The following IL6ST variants were observed in gnomAD, a reference collection of about 807,000 sequenced individuals.
IL6ST encodes interleukin-6 receptor subunit beta.
IL6ST carries 24 observed loss-of-function variants against 91.3 expected under a neutral mutation model. That is an observed-to-expected ratio of 0.26 (90% CI 0.19 to 0.37). IL6ST has a LOEUF of 0.37. Ranked by LOEUF, IL6ST falls within the 10% of genes least tolerant of loss-of-function variation. IL6ST has a pLI of 1.00. For missense variants in IL6ST, 914 were observed against 1,078.5 expected, an observed-to-expected ratio of 0.85 and a Z score of 2.14; for synonymous variants, 351 against 373.6, an observed-to-expected ratio of 0.94 and a Z score of 0.70.
At chr5:55,975,198 G>A (rs970920685) in intron 3 of IL6ST, among the ~76,000 whole-genome samples, 29 of 152,068 alleles carry the variant, frequency 1.9e-4, no homozygotes, top group African/African-American at 6.3e-4. Flanking sequence ...TTGGAGGTGG[G>A]GCCTGGTGGA....
chr5:55,950,820 G>A (rs1210441575), intron 14 of IL6ST, among the ~76,000 whole-genome samples: 3 of 151,612 alleles, frequency 2.0e-5, no homozygotes, highest in African/African-American at 7.3e-5. Context: ...GCTGGATGTG[G>A]TGGCACTGGT....
chr5:55,950,307 C>G (rs1751545843), intron 14 of IL6ST: 3 of 408,256 alleles, frequency 7.3e-6, no homozygotes, highest in Non-Finnish European at 1.5e-5. Context: ...GAGGCCGAGG[C>G]AGGTGGATCA....
At chr5:55,967,005 A>G (rs1265865389) in intron 5 of IL6ST, among the ~76,000 whole-genome samples, 1 of 151,834 alleles carries the variant, frequency 6.6e-6, no homozygotes, top group Non-Finnish European at 1.5e-5. Context: ...TCTAAAAGCA[A>G]TTTTTTGGAA....
chr5:55,982,982 T>C (rs771944181), intron 1 of IL6ST, among the ~76,000 whole-genome samples, 171 bp from the exon 2 acceptor site: 5 of 151,296 alleles, frequency 3.3e-5, no homozygotes, highest in Non-Finnish European at 7.4e-5. Flanking sequence ...TGTATAAGAG[T>C]ATTCAAATAT....
intron 11 of IL6ST, among the ~76,000 whole-genome samples, chr5:55,953,588 A>C (rs139461599): frequency 1.9e-4 from 29 of 152,142 alleles, no homozygotes; most frequent in African/African-American, 6.7e-4. Flanking sequence ...GTTTATCCAC[A>C]TTGGTCAGGC....
chr5:55,969,375 T>C lies in IL6ST; in HGVS notation c.370+175A>G, dbSNP rs188162865. ...CTAGTAAAGTGAAACTGCTTGACTT[T>C]CAGGAAAGACAGGAGACTTGTGGTT... On this transcript the variant is annotated intron_variant, in intron 4 of 16. Transcript: ENST00000381298. Among the ~76,000 whole-genome samples, 7 of 152,292 alleles carry C rather than the reference T, an allele frequency of 4.6e-5. No individual in the cohort carries two copies. The East Asian group carries it at 1.3e-3, about 29-fold the overall frequency.
In IL6ST at chr5:55,941,493, A is replaced by T; in HGVS notation, c.2346T>A (p.Ser782=). 6.2e-7 allele frequency: 1 copy of T among 1,614,196 alleles called. No individual in the cohort carries two copies. Among genetic ancestry groups the T allele is most frequent in the East Asian group, 2.2e-5 (1 of 44,884 alleles). Residue 782 remains serine (S), a synonymous_variant, in exon 17 of 17, where the codon TCT becomes TCA. Coordinates refer to ENST00000381298, the MANE Select transcript of IL6ST (RefSeq NM_002184.4). ...CCTCTGAATCTAACAAGGGCTGGGT[A>T]GACTCGGATCTTGAGAAGACTTGGA... The part of the protein sequence containing the change: ...PSVQVFSRSE[S]TQPLLDSEER...
intron 1 of IL6ST, chr5:55,994,048 C>CAAAAAAA (rs34900510): frequency 6.9e-5 from 4 of 57,684 alleles, no homozygotes; most frequent in Non-Finnish European, 9.4e-5. Flanking sequence ...CTTCTGAAGG[C>CAAAAAAA]AAAAAAAAAA....
intron 4 of IL6ST, 59 bp downstream of exon 4, chr5:55,969,491 T>C (rs755545856): frequency 2.4e-5 from 26 of 1,101,506 alleles, no homozygotes; most frequent in Non-Finnish European, 3.4e-5. Context: ...AAGGACAACA[T>C]TAAAAATGCA....
chr5:55,967,187 G>A (rs1241852236), intron 5 of IL6ST, among the ~76,000 whole-genome samples: 1 of 151,466 alleles, frequency 6.6e-6, no homozygotes, highest in Non-Finnish European at 1.5e-5. Context: ...GCACATGCCT[G>A]TAATCCCAGC....
chr5:55,968,493 G>GA, intron 4 of IL6ST, 97 bp from the exon 5 acceptor site: 2 of 1,192,388 alleles, frequency 1.7e-6, no homozygotes, highest in East Asian at 2.5e-5. Context: ...TAAATTAGAT[G>GA]AAAAAAATCA....
rs1750426745 is a variant in IL6ST, at chr5:55,935,164, A to T, written c.*5918T>A. ...ACCATATAGCTCACCATGTTATCCC[A>T]GAAAGACTACAATTTCATACAGAAT... On this transcript the variant is annotated 3_prime_UTR_variant, in exon 17 of 17. Transcript: ENST00000381298. The T allele has an allele frequency of 1.1e-5, 2 of 178,924 alleles. No individual in the cohort carries two copies. Among genetic ancestry groups the T allele is most frequent in the African/African-American group, 4.7e-5 (2 of 42,310 alleles). The allele number at this position is 178,924 out of a possible 1,614,324, so 11.1% of individuals were successfully genotyped here.
intron 1 of IL6ST, among the ~76,000 whole-genome samples, chr5:55,991,062 C>T (rs1754297985): frequency 6.6e-6 from 1 of 152,188 alleles, no homozygotes; most frequent in Non-Finnish European, 1.5e-5. Flanking sequence ...CTACAAAGGA[C>T]ATGAACTCAT....
At chr5:55,976,984 A>G (rs1753329708) in intron 2 of IL6ST, among the ~76,000 whole-genome samples, 1 of 152,210 alleles carries the variant, frequency 6.6e-6, no homozygotes, top group South Asian at 2.1e-4. Flanking sequence ...AAATAAAAAC[A>G]TATGCCCACA....
In IL6ST at chr5:55,961,658, T is replaced by A. The variant is rs568088244; in HGVS notation, c.814-1097A>T. Among the ~76,000 whole-genome samples, 8 of 151,672 alleles carry A rather than the reference T, an allele frequency of 5.3e-5. No individual in the cohort carries two copies. In the East Asian group the frequency reaches 9.7e-4, roughly 18 times the overall value. On this transcript the variant is annotated intron_variant, in intron 7 of 16. Coordinates refer to ENST00000381298, the MANE Select transcript of IL6ST (RefSeq NM_002184.4). Reference sequence around the variant, plus strand: ...CTGTAATCCCAGCTACTCGGGAGTCTGAGGCAGAAGAATCGCTTGAACTAG... The same window carrying A: ...CTGTAATCCCAGCTACTCGGGAGTCAGAGGCAGAAGAATCGCTTGAACTAG...
chr5:55,964,201 C>T lies in IL6ST; in HGVS notation c.603G>A (p.Glu201=), dbSNP rs766213046. The T allele has an allele frequency of 8.1e-6, 13 of 1,610,542 alleles. No individual in the cohort carries two copies. Among genetic ancestry groups the T allele is most frequent in the South Asian group, 1.1e-5 (1 of 90,906 alleles). ...FVNIEVWVEA[E]NALGKVTSDH... is the part of the protein sequence containing the mutation. ...CTGATGTAACCTTCCCAAGGGCATT[C>T]TCTGCTTCTACCCAGACTTCAATGT... The change falls in exon 6 of 17, where the codon GAG becomes GAA. Residue 201 remains glutamate (E), a synonymous_variant. Coordinates refer to ENST00000381298, the MANE Select transcript of IL6ST (RefSeq NM_002184.4).
At chr5:55,949,293 G>A (rs575341351) in intron 14 of IL6ST, among the ~76,000 whole-genome samples, 2 of 152,074 alleles carry the variant, frequency 1.3e-5, no homozygotes, top group Non-Finnish European at 2.9e-5. Context: ...GCAACACAGC[G>A]AGATCCCATC....
intron 10 of IL6ST, among the ~76,000 whole-genome samples, chr5:55,955,620 A>G (rs1217481589): frequency 6.6e-6 from 1 of 152,266 alleles, no homozygotes; most frequent in Admixed American, 6.5e-5. Context: ...AGTAATCAGA[A>G]TATGCTTAAA....
At chr5:55,955,997 A>G (rs370773147) in intron 10 of IL6ST, 28 bp downstream of exon 10, 2 of 1,512,456 alleles carry the variant, frequency 1.3e-6, no homozygotes, top group East Asian at 2.3e-5. Flanking sequence ...TCCACCCAAG[A>G]GTCAGGCTCC....
Sources: allele counts gnomAD v4.1 joint callset (sites outside exome capture counted in the v4.1 genomes callset), GRCh38; gene constraint gnomAD v4.1.1; transcripts MANE v1.5; gene names NCBI Gene and HGNC (gene_info 2026-07-23, HGNC 2026-07-21).